ERBIN: variants seen among roughly 807,000 people sequenced by gnomAD.
ERBIN encodes erbb2 interacting protein.
A neutral mutation model predicts 158.4 loss-of-function variants in ERBIN; 60 were observed. The ratio of observed to expected loss-of-function variants is 0.38; its 90% CI spans 0.31 to 0.47. ERBIN has a LOEUF of 0.47. ERBIN is among the 20% of genes least tolerant of loss of function. The pLI is 0.99. For missense variants in ERBIN, 1,610 were observed against 1,648.0 expected (o/e 0.98, Z 0.40); for synonymous variants, 594 against 557.2 (o/e 1.07, Z -0.93).
intron 1 of ERBIN, among the ~76,000 whole-genome samples, chr5:65,958,464 T>TA (rs1747518982): frequency 1.4e-5 from 2 of 144,044 alleles, no homozygotes; most frequent in East Asian, 2.0e-4. Context: ...ACCAAAAAAA[T>TA]ACGAAAACCA....
intron 21 of ERBIN, among the ~76,000 whole-genome samples, chr5:66,065,618 TGTGTGTGTGTGTGTGTGTGTG>T (rs1760903223): frequency 7.9e-6 from 1 of 125,946 alleles, no homozygotes; most frequent in Admixed American, 7.4e-5. Context: ...TGTGTGTGTG[TGTGTGTGTGTGTGTGTGTGTG>T]TGTGTGTGTG....
At chr5:65,993,349 A>G (rs1348995627) in intron 3 of ERBIN, among the ~76,000 whole-genome samples, 1 of 152,122 alleles carries the variant, frequency 6.6e-6, no homozygotes, top group African/African-American at 2.4e-5. Flanking sequence ...GTTCATACAG[A>G]TATTGTTTTC....
At chr5:66,062,415 G>A (rs146642055) in intron 21 of ERBIN, among the ~76,000 whole-genome samples, 9,205 of 152,174 alleles carry the variant, frequency 0.06, 560 homozygotes, top group Admixed American at 0.2. Context: ...GGACTTCTCT[G>A]CATTGGTTAT....
chr5:66,005,553 G>A (rs1753492964), intron 4 of ERBIN, among the ~76,000 whole-genome samples: 1 of 152,124 alleles, frequency 6.6e-6, no homozygotes, highest in South Asian at 2.1e-4. Context: ...GCCCTGGTTG[G>A]GCAATCAGGA....
At chr5:66,011,998 A>C (rs745724429) in intron 4 of ERBIN, 51 bp from the exon 5 acceptor site, 6 of 1,180,210 alleles carry the variant, frequency 5.1e-6, no homozygotes. Context: ...TACTGTTATT[A>C]TTTTGTCCTT....
chr5:65,970,043 A>G (rs1183567889), intron 1 of ERBIN, among the ~76,000 whole-genome samples: 1 of 152,174 alleles, frequency 6.6e-6, no homozygotes, highest in East Asian at 1.9e-4. Context: ...ACCTTGCCCC[A>G]AAGTAATTGA....
intron 15 of ERBIN, among the ~76,000 whole-genome samples, chr5:66,039,870 G>A (rs1757763210): frequency 1.3e-5 from 2 of 151,780 alleles, no homozygotes; most frequent in South Asian, 2.1e-4. Context: ...TCTTCTAATC[G>A]GATTAGAAAG....
intron 1 of ERBIN, among the ~76,000 whole-genome samples, chr5:65,970,609 A>G (rs1749142626): frequency 6.6e-6 from 1 of 152,114 alleles, no homozygotes. Context: ...TCTTTTTAAG[A>G]CGTGCTCTTG....
At chr5:65,988,292 G>A (rs1432042447) in intron 1 of ERBIN, among the ~76,000 whole-genome samples, 1 of 152,018 alleles carries the variant, frequency 6.6e-6, no homozygotes, top group Admixed American at 6.6e-5. Context: ...AGGATTGATT[G>A]TGCCCAGGAG....
chr5:66,007,432 C>G (rs1580330238), intron 4 of ERBIN, among the ~76,000 whole-genome samples: 1 of 5,106 alleles, frequency 2.0e-4, no homozygotes, highest in African/African-American at 2.4e-3. Flanking sequence ...GGAGATATAC[C>G]TATACCTAAT....
intron 7 of ERBIN, among the ~76,000 whole-genome samples, chr5:66,017,250 A>AT (rs1247913970): frequency 3.3e-5 from 5 of 151,610 alleles, no homozygotes; most frequent in South Asian, 2.1e-4. Flanking sequence ...TCTATTTTTA[A>AT]TTTTTTTTAG....
intron 1 of ERBIN, among the ~76,000 whole-genome samples, chr5:65,964,463 G>T (rs1351349959): frequency 6.6e-6 from 1 of 152,174 alleles, no homozygotes; most frequent in Non-Finnish European, 1.5e-5. Context: ...TGGAGAACAG[G>T]CAGTGTAGTT....
At chr5:66,033,600 GGT>G (rs1561402875) in intron 14 of ERBIN, among the ~76,000 whole-genome samples, 1 of 151,972 alleles carries the variant, frequency 6.6e-6, no homozygotes, top group Non-Finnish European at 1.5e-5. Flanking sequence ...TAATTATAGA[GGT>G]ATATGGCAAA....
At chr5:65,987,646 A>C (rs1751406588) in intron 1 of ERBIN, among the ~76,000 whole-genome samples, 1 of 152,070 alleles carries the variant, frequency 6.6e-6, no homozygotes, top group Non-Finnish European at 1.5e-5. Context: ...TGAGGTCAGG[A>C]GTTTGAGACC....
intron 1 of ERBIN, among the ~76,000 whole-genome samples, chr5:65,968,493 A>G (rs1287449523): frequency 1.3e-5 from 2 of 152,194 alleles, no homozygotes; most frequent in East Asian, 3.8e-4. Flanking sequence ...TACAAGACCT[A>G]CATTTATTGA....
At chr5:66,061,948 C>G (rs896695436) in intron 21 of ERBIN, among the ~76,000 whole-genome samples, 1 of 152,196 alleles carries the variant, frequency 6.6e-6, no homozygotes, top group Admixed American at 6.5e-5. Context: ...TTTGGGTAAC[C>G]CAACCTTTCT....
chr5:66,037,434 G>A (rs902115981), intron 14 of ERBIN, among the ~76,000 whole-genome samples: 1 of 152,120 alleles, frequency 6.6e-6, no homozygotes, highest in Non-Finnish European at 1.5e-5. Flanking sequence ...TAAAACACCT[G>A]TATTTGAGGC....
chr5:65,977,682 C>T (rs1484126287), intron 1 of ERBIN, among the ~76,000 whole-genome samples: 1 of 147,974 alleles, frequency 6.8e-6, no homozygotes, highest in Admixed American at 6.8e-5. Context: ...ACTGGGCAGC[C>T]AGGCAGAGGG....
In ERBIN at chr5:66,054,945, A is replaced by G. The variant is rs1260692495; in HGVS notation, c.3627A>G (p.Leu1209=). The change falls in exon 21 of 26, where the codon TTA becomes TTG. Residue 1209 remains leucine, a synonymous_variant. Transcript: ENST00000284037. The part of the protein sequence containing the change: ...QVLRHIEAKK[L]EKKHPQTSSS... The stretch of plus-strand genomic sequence containing the variant: ...TTCGACATATTGAAGCCAAAAAGTT[A>G]GAAAAGGTAATTGAACATGAGTTTT... 2 of 1,567,934 alleles carry G rather than the reference A, an allele frequency of 1.3e-6. No homozygotes were observed. Among genetic ancestry groups the G allele is most frequent in the African/African-American group, 2.8e-5 (2 of 72,678 alleles).
Sources: gnomAD v4.1 joint callset for allele counts (sites outside exome capture counted in the v4.1 genomes callset) on GRCh38, gnomAD v4.1.1 for gene constraint, MANE v1.5 for transcripts, NCBI Gene and HGNC (gene_info 2026-07-23, HGNC 2026-07-21) for gene names.